Variants in KMT2E observed in about 807,000 individuals in gnomAD.
The protein encoded by KMT2E is lysine methyltransferase 2E (inactive), also known as histone reader KMT2E.
A neutral mutation model predicts 184.6 loss-of-function variants in KMT2E; 30 were observed. The ratio of observed to expected loss-of-function variants is 0.16; its 90% CI spans 0.12 to 0.22. The LOEUF (loss-of-function observed/expected upper bound fraction) is 0.22, where lower values mean the gene tolerates loss of function less well. Ranked by LOEUF, KMT2E falls within the 10% of genes least tolerant of loss-of-function variation. KMT2E has a pLI of 1.00. For synonymous variants in KMT2E, 815 were observed against 776.5 expected (o/e 1.05, Z -0.82); for missense variants, 2,023 against 2,237.4 (o/e 0.90, Z 1.93).
At position 105,076,086 on chromosome 7, in the gene KMT2E, A is replaced by T; in HGVS notation, c.768+5A>T. 6.3e-7 allele frequency: 1 copy of T among 1,583,056 alleles called. No homozygotes were observed. The highest frequency in any genetic ancestry group is 8.7e-7 in the Non-Finnish European group (1 of 1,152,542). On this transcript the variant is annotated splice_donor_5th_base_variant and intron_variant, in intron 9 of 26. Transcript: ENST00000311117. ...AGGAAGTCATCAAGAGTTAAGGTAAATACATTAATTTTAAGGTGTTGTTAT... is the reference window on the plus strand; with the variant it reads ...AGGAAGTCATCAAGAGTTAAGGTAATTACATTAATTTTAAGGTGTTGTTAT...
In KMT2E at chr7:105,077,022, G is replaced by A. The variant is rs769314927; in HGVS notation, c.828G>A (p.Lys276=). Residue 276 remains lysine, a synonymous_variant, in exon 10 of 27, where the codon AAG becomes AAA. Coordinates refer to ENST00000311117, the MANE Select transcript of KMT2E (RefSeq NM_182931.3). ...GTTCAAATTTTGGATGGGAGACAAA[G>A]ATCAAAGCATGGATGGATCGATATG... The part of the protein sequence containing the change: ...SDGSNFGWET[K]IKAWMDRYEE... The A allele has an allele frequency of 7.4e-6, 12 of 1,613,778 alleles. No individual in the cohort carries two copies. Among genetic ancestry groups the A allele is most frequent in the Admixed American group, 1.7e-5 (1 of 59,950 alleles).
intron 1 of KMT2E, among the ~76,000 whole-genome samples, chr7:105,031,837 A>T (rs902481757): frequency 6.6e-6 from 1 of 151,972 alleles, no homozygotes. Context: ...TGGGAGGCCA[A>T]GGTGGGTGGA....
chr7:105,048,218 G>C lies in KMT2E; in HGVS notation c.71+7195G>C, dbSNP rs569366582. Among the ~76,000 whole-genome samples the C allele has an allele frequency of 1.8e-4, 27 of 152,128 alleles. No individual in the cohort carries two copies. The South Asian group carries it at 5.0e-3, about 28-fold the overall frequency. ...CACTTGGCTAATTTTGTATTTTTTT[G>C]TACAGATAGGGTTTCATCATGTTGT... On this transcript the variant is annotated intron_variant, in intron 3 of 26. Transcript: ENST00000311117.
intron 3 of KMT2E, among the ~76,000 whole-genome samples, chr7:105,055,730 C>G (rs1394205562): frequency 6.6e-6 from 1 of 152,128 alleles, no homozygotes; most frequent in Admixed American, 6.5e-5. Context: ...TGCTTTCTGT[C>G]TGGAATACTT....
chr7:105,109,676 C>T (rs1446873910), intron 23 of KMT2E, among the ~76,000 whole-genome samples: 2 of 152,060 alleles, frequency 1.3e-5, no homozygotes, highest in Non-Finnish European at 2.9e-5. Flanking sequence ...TTGTTAGGGG[C>T]ATGTTTTGGT....
chr7:105,075,209 C>G (rs1389422376), intron 8 of KMT2E, among the ~76,000 whole-genome samples: 3 of 143,684 alleles, frequency 2.1e-5, no homozygotes, highest in African/African-American at 7.7e-5. Flanking sequence ...TTTTTTAAAC[C>G]TTGCTCTCTT....
intron 15 of KMT2E, 82 bp from the exon 16 acceptor site, chr7:105,101,343 T>C: frequency 1.0e-6 from 1 of 960,882 alleles, no homozygotes; most frequent in Non-Finnish European, 1.4e-6. Flanking sequence ...AATTATTTTT[T>C]ACATTTATCA....
intron 1 of KMT2E, among the ~76,000 whole-genome samples, chr7:105,014,822 C>T (rs1794643550): frequency 6.6e-6 from 1 of 152,078 alleles, no homozygotes; most frequent in Non-Finnish European, 1.5e-5. Context: ...GCGCACTCCT[C>T]ATTGGCAGCG....
chr7:105,075,693 T>A (rs1301003052), intron 8 of KMT2E, among the ~76,000 whole-genome samples: 1 of 151,644 alleles, frequency 6.6e-6, no homozygotes, highest in Non-Finnish European at 1.5e-5. Flanking sequence ...TTTTTTTTTT[T>A]AAAGACAGGA....
At chr7:105,032,486 T>C (rs1337660885) in intron 1 of KMT2E, among the ~76,000 whole-genome samples, 1 of 152,174 alleles carries the variant, frequency 6.6e-6, no homozygotes, top group Non-Finnish European at 1.5e-5. Flanking sequence ...AAAAGTTATT[T>C]ACTTATTTTT....
Position 105,110,508 on chromosome 7 carries a change from G to A in KMT2E, c.3876G>A (p.Pro1292=), listed in dbSNP as rs375343033. 194 of 1,613,992 alleles carry A rather than the reference G, an allele frequency of 1.2e-4. No individual in the cohort carries two copies. The highest frequency in any genetic ancestry group is 1.6e-4 in the Non-Finnish European group (183 of 1,180,008). Residue 1292 remains proline (P), a synonymous_variant, in exon 25 of 27, where the codon CCG becomes CCA. Transcript: ENST00000311117. ...AATCACCATGTGTCTCATGTTCACCGAGTCATGTTCAGTCTTCACCTTCAT... is the reference window on the plus strand; with the variant it reads ...AATCACCATGTGTCTCATGTTCACCAAGTCATGTTCAGTCTTCACCTTCAT... ...GGESPCVSCS[P]SHVQSSPSSH...
At chr7:105,087,247 AC>A (rs1252790398) in intron 13 of KMT2E, among the ~76,000 whole-genome samples, 5 of 146,440 alleles carry the variant, frequency 3.4e-5, no homozygotes, top group African/African-American at 1.0e-4. Flanking sequence ...ATAAAGAGAT[AC>A]CATTCAACAT....
intron 9 of KMT2E, 52 bp from the exon 10 acceptor site, chr7:105,076,911 T>C (rs894109570): frequency 1.2e-6 from 1 of 852,320 alleles, no homozygotes; most frequent in African/African-American, 1.8e-5. Context: ...TGTGTGTGTG[T>C]GTGTGTGTAA....
At chr7:105,076,492 T>C (rs1797530525) in intron 9 of KMT2E, among the ~76,000 whole-genome samples, 1 of 152,232 alleles carries the variant, frequency 6.6e-6, no homozygotes, top group East Asian at 1.9e-4. Context: ...AAATTCACCA[T>C]AGAACAACCA....
intron 1 of KMT2E, among the ~76,000 whole-genome samples, chr7:105,037,754 C>T (rs890881822): frequency 6.6e-6 from 1 of 151,706 alleles, no homozygotes; most frequent in Admixed American, 6.6e-5. Flanking sequence ...CTTTTTTTGC[C>T]TTTTACTTCA....
intron 3 of KMT2E, among the ~76,000 whole-genome samples, chr7:105,058,919 G>A (rs1489269257): frequency 6.6e-6 from 1 of 151,890 alleles, no homozygotes; most frequent in Non-Finnish European, 1.5e-5. Flanking sequence ...CTGCTGACAG[G>A]CTAAAAGAAA....
chr7:105,071,582 G>GTGTATATATATATATA (rs1398236878), intron 6 of KMT2E, among the ~76,000 whole-genome samples: 2 of 34,944 alleles, frequency 5.7e-5, no homozygotes, highest in Non-Finnish European at 1.1e-4. Context: ...ATGTGTGTGT[G>GTGTATATATATATATA]TATATATATA....
Position 105,062,080 on chromosome 7 carries a change from G to A in KMT2E, c.72-84G>A, listed in dbSNP as rs557819126. The A allele has an allele frequency of 1.7e-5, 15 of 865,002 alleles. No homozygotes were observed. The East Asian group carries it at 3.1e-4, about 18-fold the overall frequency. The allele number at this position is 865,002 out of a possible 1,614,324, so 53.6% of individuals were successfully genotyped here. A position where few individuals can be genotyped will look rare whatever the true frequency, so the allele number is the denominator to read the frequency against. On this transcript the variant is annotated intron_variant, in intron 3 of 26. Transcript: ENST00000311117. ...GTATTTGTATAGCCATTATTTTGCT[G>A]TAAGTACTTTATCATTTTAATTAAA... is the stretch of plus-strand genomic sequence containing the variant.
intron 3 of KMT2E, among the ~76,000 whole-genome samples, chr7:105,059,053 C>T (rs1410793516): frequency 6.6e-6 from 1 of 152,096 alleles, no homozygotes; most frequent in Non-Finnish European, 1.5e-5. Flanking sequence ...AGAATGAACA[C>T]TGCATCATGG....
Sources: gnomAD v4.1 joint callset for allele counts (sites outside exome capture counted in the v4.1 genomes callset) on GRCh38, gnomAD v4.1.1 for gene constraint, MANE v1.5 for transcripts, NCBI Gene and HGNC (gene_info 2026-07-23, HGNC 2026-07-21) for gene names.